CNTLN: variants seen among roughly 807,000 people sequenced by gnomAD.
CNTLN encodes centlein, centrosomal protein.
A neutral mutation model predicts 180.0 loss-of-function variants in CNTLN; 212 were observed. The ratio of observed to expected loss-of-function variants is 1.18; its 90% confidence interval spans 1.05 to 1.32. CNTLN has a LOEUF of 1.32. Ranked by LOEUF, CNTLN falls within the 40% of genes most tolerant of loss-of-function variation. The probability of loss-of-function intolerance (pLI) is 0.00; values close to 1 mark genes in which losing one functional copy is unlikely to be tolerated. For missense variants in CNTLN, 2,095 were observed against 1,610.9 expected, an observed-to-expected ratio of 1.30 and a Z score of -5.14; for synonymous variants, 722 against 563.1, an observed-to-expected ratio of 1.28 and a Z score of -3.99.
chr9:17,442,032 G>A (rs1357329339), intron 18 of CNTLN, among the ~76,000 whole-genome samples: 1 of 152,088 alleles, frequency 6.6e-6, no homozygotes, highest in Non-Finnish European at 1.5e-5. Flanking sequence ...TGTATGTATA[G>A]GAAGGAAACT....
chr9:17,161,835 G>C (rs1210642264), intron 2 of CNTLN, among the ~76,000 whole-genome samples: 2 of 152,170 alleles, frequency 1.3e-5, no homozygotes, highest in African/African-American at 4.8e-5. Flanking sequence ...GTGAATTACT[G>C]TGTTTCTTTG....
chr9:17,160,248 C>A (rs1259403698), intron 2 of CNTLN, among the ~76,000 whole-genome samples: 1 of 152,016 alleles, frequency 6.6e-6, no homozygotes, highest in Non-Finnish European at 1.5e-5. Flanking sequence ...CTCTAAGGGC[C>A]ATTTTATATC....
chr9:17,224,917 C>T (rs1824368646), intron 2 of CNTLN, among the ~76,000 whole-genome samples: 1 of 151,874 alleles, frequency 6.6e-6, no homozygotes, highest in Non-Finnish European at 1.5e-5. Context: ...GGTCATATCT[C>T]AAGAGGGAAG....
At chr9:17,366,503 A>G (rs1414481595) in intron 12 of CNTLN, 114 bp from the exon 13 acceptor site, 1 of 479,802 alleles carries the variant, frequency 2.1e-6, no homozygotes, top group Non-Finnish European at 3.7e-6. Flanking sequence ...TATATACATT[A>G]AAATATCTTT....
intron 7 of CNTLN, among the ~76,000 whole-genome samples, chr9:17,303,258 G>A (rs562616276): frequency 1.3e-5 from 2 of 152,162 alleles, no homozygotes; most frequent in South Asian, 4.2e-4. Flanking sequence ...TAAAAGCCTC[G>A]GTAAACAGAT....
intron 2 of CNTLN, among the ~76,000 whole-genome samples, chr9:17,201,102 G>T (rs1005846988): frequency 1.3e-5 from 2 of 152,210 alleles, no homozygotes; most frequent in African/African-American, 4.8e-5. Flanking sequence ...TGTGATTTTT[G>T]TCATTGGTTC....
At chr9:17,383,320 G>C (rs1445469780) in intron 13 of CNTLN, among the ~76,000 whole-genome samples, 2 of 151,796 alleles carry the variant, frequency 1.3e-5, no homozygotes, top group Non-Finnish European at 2.9e-5. Context: ...TTTGAATCCA[G>C]GAATTTGAGA....
At chr9:17,200,001 A>G (rs1316663073) in intron 2 of CNTLN, among the ~76,000 whole-genome samples, 1 of 152,014 alleles carries the variant, frequency 6.6e-6, no homozygotes, top group Non-Finnish European at 1.5e-5. Context: ...ATCCATCCTG[A>G]GTTAATTTTT....
At chr9:17,262,566 G>C (rs773375481) in intron 5 of CNTLN, among the ~76,000 whole-genome samples, 1 of 151,384 alleles carries the variant, frequency 6.6e-6, no homozygotes, top group African/African-American at 2.5e-5. Flanking sequence ...ATACACTGAT[G>C]CCTGTTGTGG....
chr9:17,263,090 G>A (rs1042553578), intron 5 of CNTLN, among the ~76,000 whole-genome samples: 1 of 150,436 alleles, frequency 6.6e-6, no homozygotes, highest in Non-Finnish European at 1.5e-5. Flanking sequence ...TGTGCACAAC[G>A]TGCAGGTTTG....
intron 1 of CNTLN, among the ~76,000 whole-genome samples, chr9:17,138,719 T>C (rs1817884700): frequency 6.6e-6 from 1 of 152,204 alleles, no homozygotes; most frequent in Admixed American, 6.5e-5. Context: ...TGACCAAATA[T>C]TTGTTTAGAT....
intron 6 of CNTLN, among the ~76,000 whole-genome samples, chr9:17,282,903 T>A (rs582134): frequency 0.18 from 26,675 of 152,100 alleles, 2,640 homozygotes; most frequent in South Asian, 0.28. Flanking sequence ...GTTGTAGATG[T>A]GCGGTCTTAT....
At chr9:17,471,117 T>C (rs1035436843) in intron 23 of CNTLN, among the ~76,000 whole-genome samples, 13 of 152,218 alleles carry the variant, frequency 8.5e-5, no homozygotes, top group African/African-American at 3.1e-4. Context: ...GAAAACTTTA[T>C]GTAAATTATA....
Position 17,188,525 on chromosome 9 carries a change from A to T in CNTLN, c.450-37678A>T, listed in dbSNP as rs1411075064. Among the ~76,000 whole-genome samples the T allele has an allele frequency of 3.3e-5, 5 of 152,256 alleles. No homozygotes were observed. In the East Asian group the frequency reaches 7.7e-4, roughly 24 times the overall value. Reference sequence around the variant, plus strand: ...AAATGAATATAATATTGTTTAGGCAATATTGTTTGGGAAAGACTATGATCC... The same window carrying T: ...AAATGAATATAATATTGTTTAGGCATTATTGTTTGGGAAAGACTATGATCC... On this transcript the variant is annotated intron_variant, in intron 2 of 25. Coordinates refer to ENST00000380647, the MANE Select transcript of CNTLN (RefSeq NM_017738.4).
intron 3 of CNTLN, among the ~76,000 whole-genome samples, chr9:17,230,788 T>C (rs576577288): frequency 1.3e-5 from 2 of 152,134 alleles, no homozygotes; most frequent in African/African-American, 4.8e-5. Flanking sequence ...GTTAAACTTA[T>C]GAAAATGTGT....
chr9:17,150,456 G>T (rs1295949928), intron 2 of CNTLN, among the ~76,000 whole-genome samples: 1 of 152,204 alleles, frequency 6.6e-6, no homozygotes, highest in Non-Finnish European at 1.5e-5. Flanking sequence ...AGATCAGATG[G>T]TTGTAGCTGT....
At chr9:17,188,926 CTAATAATT>C (rs1402120698) in intron 2 of CNTLN, among the ~76,000 whole-genome samples, 30 of 151,700 alleles carry the variant, frequency 2.0e-4, no homozygotes, top group Non-Finnish European at 4.3e-4. Flanking sequence ...CTTTGCATAC[CTAATAATT>C]TTTGGTTTGA....
chr9:17,163,788 G>T (rs1375454729), intron 2 of CNTLN, among the ~76,000 whole-genome samples: 1 of 152,282 alleles, frequency 6.6e-6, no homozygotes, highest in Non-Finnish European at 1.5e-5. Flanking sequence ...AGCACTTTGG[G>T]CGGCTGAGGC....
intron 8 of CNTLN, among the ~76,000 whole-genome samples, chr9:17,325,922 G>T (rs1401276566): frequency 1.3e-5 from 2 of 151,732 alleles, no homozygotes; most frequent in African/African-American, 2.4e-5. Context: ...TATGTATTAG[G>T]CAATATTCAG....
Sources: gnomAD v4.1 joint callset for allele counts (sites outside exome capture counted in the v4.1 genomes callset) on GRCh38, gnomAD v4.1.1 for gene constraint, MANE v1.5 for transcripts, NCBI Gene and HGNC (gene_info 2026-07-23, HGNC 2026-07-21) for gene names.